Variants in SPMIP2 observed in about 807,000 individuals in gnomAD.
SPMIP2 encodes sperm microtubule inner protein 2.
At chr4:158,973,824 C>CA in the SPMIP2 span, among the ~76,000 whole-genome samples, 1 of 151,494 alleles carries the variant, frequency 6.6e-6, no homozygotes, top group Non-Finnish European at 1.5e-5. Flanking sequence ...CCTGTCTCTA[C>CA]AAAAAATAAA....
chr4:158,966,393 C>A, the SPMIP2 span, among the ~76,000 whole-genome samples: 1 of 152,152 alleles, frequency 6.6e-6, no homozygotes, highest in Non-Finnish European at 1.5e-5. Context: ...ACAGGATTAA[C>A]GCCAGATTTA....
the SPMIP2 span, among the ~76,000 whole-genome samples, chr4:158,894,209 C>T: frequency 2.2e-5 from 3 of 136,162 alleles, no homozygotes; most frequent in Non-Finnish European, 3.1e-5. Context: ...TTCATTTTGT[C>T]ACCCAGGTTA....
chr4:159,041,271 A>T, the SPMIP2 span, among the ~76,000 whole-genome samples: 10 of 152,188 alleles, frequency 6.6e-5, no homozygotes, highest in Non-Finnish European at 1.2e-4. Flanking sequence ...ATTGGGGATG[A>T]TGCAACACTT....
chr4:158,953,505 G>T, the SPMIP2 span, among the ~76,000 whole-genome samples: 1 of 152,226 alleles, frequency 6.6e-6, no homozygotes, highest in African/African-American at 2.4e-5. Flanking sequence ...AACTCTATTG[G>T]AGCAGTGTGA....
At chr4:158,912,042 T>C in the SPMIP2 span, among the ~76,000 whole-genome samples, 2 of 151,458 alleles carry the variant, frequency 1.3e-5, no homozygotes, top group African/African-American at 4.9e-5. Context: ...AAATGTATAA[T>C]AATAAATAAT....
chr4:159,040,463 G>A, the SPMIP2 span, among the ~76,000 whole-genome samples: 5 of 149,620 alleles, frequency 3.3e-5, no homozygotes, highest in South Asian at 2.1e-4. Flanking sequence ...GAGCCACTGC[G>A]CCCGGTCTGT....
the SPMIP2 span, among the ~76,000 whole-genome samples, chr4:159,010,193 T>C: frequency 2.0e-5 from 3 of 152,196 alleles, no homozygotes; most frequent in Non-Finnish European, 4.4e-5. Context: ...TCAGTTATAC[T>C]GTACACAGTA....
chr4:158,935,857 G>T, the SPMIP2 span, among the ~76,000 whole-genome samples: 1 of 152,310 alleles, frequency 6.6e-6, no homozygotes, highest in South Asian at 2.1e-4. Context: ...TTTAGCCAGA[G>T]AAAACACTCC....
chr4:158,990,754 A>G, the SPMIP2 span, among the ~76,000 whole-genome samples: 1 of 152,236 alleles, frequency 6.6e-6, no homozygotes, highest in South Asian at 2.1e-4. Context: ...GGGCTAGGAG[A>G]GGGATAGCAT....
the SPMIP2 span, among the ~76,000 whole-genome samples, chr4:159,001,734 T>C: frequency 1.3e-5 from 2 of 152,270 alleles, no homozygotes; most frequent in Non-Finnish European, 2.9e-5. Context: ...GTTTTCTTTA[T>C]TCAATCTATC....
chr4:159,000,063 C>A, the SPMIP2 span, among the ~76,000 whole-genome samples: 1 of 151,968 alleles, frequency 6.6e-6, no homozygotes, highest in South Asian at 2.1e-4. Flanking sequence ...ATGTAATTGA[C>A]ATACAATAAA....
the SPMIP2 span, among the ~76,000 whole-genome samples, chr4:158,971,831 G>T: frequency 1.3e-5 from 2 of 152,190 alleles, no homozygotes; most frequent in African/African-American, 2.4e-5. Flanking sequence ...CTGACGCACA[G>T]AGGCAAATGA....
the SPMIP2 span, among the ~76,000 whole-genome samples, chr4:159,055,160 A>T: frequency 6.6e-6 from 1 of 152,248 alleles, no homozygotes; most frequent in Non-Finnish European, 1.5e-5. Context: ...AGAGCAGGTT[A>T]TAAGGAACTA....
the SPMIP2 span, among the ~76,000 whole-genome samples, chr4:158,930,015 T>G: frequency 6.2e-3 from 942 of 152,330 alleles, 6 homozygotes; most frequent in Non-Finnish European, 8.6e-3. Context: ...AATATCTTAC[T>G]TTCTCTTTCA....
chr4:159,052,879 G>C, the SPMIP2 span, among the ~76,000 whole-genome samples: 16 of 150,618 alleles, frequency 1.1e-4, no homozygotes, highest in African/African-American at 3.9e-4. Flanking sequence ...TAGGTGATCT[G>C]CCTACCTCAG....
chr4:159,006,930 T>C, the SPMIP2 span, among the ~76,000 whole-genome samples: 42 of 152,354 alleles, frequency 2.8e-4, no homozygotes, highest in African/African-American at 9.4e-4. Context: ...AGGGTTAGGA[T>C]TGGTCAAGTT....
chr4:158,934,594 A>G, the SPMIP2 span, among the ~76,000 whole-genome samples: 1 of 152,158 alleles, frequency 6.6e-6, no homozygotes, highest in East Asian at 1.9e-4. Context: ...CCGTATTATT[A>G]TTATTATAGA....
the SPMIP2 span, chr4:158,909,456 T>G: frequency 6.6e-6 from 1 of 151,870 alleles, no homozygotes; most frequent in Non-Finnish European, 1.5e-5. Flanking sequence ...ATAAAAGGAG[T>G]TAAACGCACG....
At chr4:158,960,331 C>A in the SPMIP2 span, 1 of 1,564,138 alleles carries the variant, frequency 6.4e-7, no homozygotes, top group Non-Finnish European at 8.8e-7. Flanking sequence ...AGAAGCTTGA[C>A]TTAGTTCTTC....
Sources: allele counts gnomAD v4.1 joint callset (sites outside exome capture counted in the v4.1 genomes callset), GRCh38; gene constraint gnomAD v4.1.1; transcripts MANE v1.5; gene names NCBI Gene and HGNC (gene_info 2026-07-23, HGNC 2026-07-21).